Variants in KIAA1217 observed in about 807,000 individuals in gnomAD.
The protein encoded by KIAA1217 is sickle tail protein homolog.
In KIAA1217, 88 loss-of-function variants were observed where a neutral mutation model predicts 163.9. The observed-to-expected ratio is 0.54, with a 90% CI of 0.45 to 0.64. The LOEUF is 0.64. Among genes scored for constraint, KIAA1217 ranks in the 30% least tolerant of loss-of-function variants. The pLI is 0.00. For synonymous variants in KIAA1217, 903 were observed against 923.1 expected, an observed-to-expected ratio of 0.98 and a Z score of 0.39; for missense variants, 2,372 against 2,475.0, an observed-to-expected ratio of 0.96 and a Z score of 0.88.
At chr10:23,701,804 G>C (rs558638726) in intron 1 of KIAA1217, among the ~76,000 whole-genome samples, 1 of 152,126 alleles carries the variant, frequency 6.6e-6, no homozygotes, top group Non-Finnish European at 1.5e-5. Context: ...TTGCGTGTAC[G>C]TGTTAAAGTT....
chr10:23,728,819 C>T (rs1251527783), intron 1 of KIAA1217, among the ~76,000 whole-genome samples: 3 of 152,150 alleles, frequency 2.0e-5, no homozygotes, highest in Non-Finnish European at 4.4e-5. Context: ...TTCCCATATC[C>T]TCCCTGCCCT....
chr10:24,526,867 G>A (rs2134824494), intron 13 of KIAA1217, among the ~76,000 whole-genome samples: 1 of 152,240 alleles, frequency 6.6e-6, no homozygotes, highest in East Asian at 1.9e-4. Context: ...GAATGGTGAA[G>A]GTGGTGGCTA....
At chr10:23,725,996 G>A (rs1231781212) in intron 1 of KIAA1217, among the ~76,000 whole-genome samples, 3 of 149,064 alleles carry the variant, frequency 2.0e-5, no homozygotes, top group Admixed American at 6.7e-5. Flanking sequence ...ATGATTTTGT[G>A]TTCTTTCCCC....
chr10:23,921,095 C>T (rs545675955), intron 1 of KIAA1217, among the ~76,000 whole-genome samples: 4 of 152,142 alleles, frequency 2.6e-5, no homozygotes, highest in Non-Finnish European at 5.9e-5. Flanking sequence ...TTCTTCATTG[C>T]AGTGTGAAAA....
intron 2 of KIAA1217, among the ~76,000 whole-genome samples, chr10:24,303,832 C>T (rs1002409187): frequency 4.0e-5 from 6 of 151,814 alleles, no homozygotes; most frequent in Admixed American, 1.3e-4. Context: ...TTCAAATTTG[C>T]ACGTGTGTGG....
chr10:24,028,682 C>T (rs1431874908), intron 2 of KIAA1217, among the ~76,000 whole-genome samples: 1 of 152,098 alleles, frequency 6.6e-6, no homozygotes, highest in Non-Finnish European at 1.5e-5. Flanking sequence ...GCAATGGGTA[C>T]ATGTGTATTC....
chr10:23,882,551 G>A (rs961585456), intron 1 of KIAA1217, among the ~76,000 whole-genome samples: 3 of 151,852 alleles, frequency 2.0e-5, no homozygotes, highest in East Asian at 1.9e-4. Context: ...GGAATAATCT[G>A]TATCCCTTAT....
At position 24,361,843 on chromosome 10, in the gene KIAA1217, C is replaced by T. The variant is rs534474494; in HGVS notation, c.355-19026C>T. Among the ~76,000 whole-genome samples the T allele has an allele frequency of 3.1e-3, 476 of 151,802 alleles. 1 individual carries two copies. Among genetic ancestry groups the T allele is most frequent in the African/African-American group, 0.011 (437 of 41,390 alleles). ...ACAAAAAATTAGCCAGGCGTGGTGG[C>T]GGGCGCCTGTAGTCCCAGCTACTCG... On this transcript the variant is annotated intron_variant, in intron 2 of 20. Transcript: ENST00000376454.
At chr10:23,994,148 G>T (rs1421023188) in intron 1 of KIAA1217, among the ~76,000 whole-genome samples, 1 of 152,166 alleles carries the variant, frequency 6.6e-6, no homozygotes, top group Non-Finnish European at 1.5e-5. Context: ...TCATGACTGT[G>T]CTGTGTTCCT....
intron 2 of KIAA1217, among the ~76,000 whole-genome samples, chr10:24,163,076 G>A (rs1564775101): frequency 6.6e-6 from 1 of 152,192 alleles, no homozygotes; most frequent in Non-Finnish European, 1.5e-5. Context: ...TGTAGAAGGG[G>A]AGTGTCAGGA....
intron 2 of KIAA1217, among the ~76,000 whole-genome samples, chr10:24,194,968 GT>G (rs1447397634): frequency 1.3e-5 from 2 of 151,948 alleles, no homozygotes; most frequent in Non-Finnish European, 2.9e-5. Context: ...CAAGTCCCCA[GT>G]CTTATCCCTC....
At chr10:24,259,865 C>T (rs1347108198) in intron 2 of KIAA1217, among the ~76,000 whole-genome samples, 1 of 152,188 alleles carries the variant, frequency 6.6e-6, no homozygotes, top group Non-Finnish European at 1.5e-5. Context: ...CCTTCCTCCT[C>T]CCCACTGCCA....
chr10:24,054,271 G>C (rs1459125531), intron 2 of KIAA1217, among the ~76,000 whole-genome samples: 1 of 152,206 alleles, frequency 6.6e-6, no homozygotes, highest in African/African-American at 2.4e-5. Context: ...ATGCCAGATA[G>C]GAAGTTGAAT....
intron 1 of KIAA1217, among the ~76,000 whole-genome samples, chr10:23,713,366 TATC>T (rs1837380766): frequency 6.6e-6 from 1 of 152,198 alleles, no homozygotes; most frequent in African/African-American, 2.4e-5. Context: ...ATTTCAGTTT[TATC>T]ATCAGAGATT....
In KIAA1217 at chr10:24,318,005, A is replaced by G. The variant is rs148607363; in HGVS notation, c.355-62864A>G. On this transcript the variant is annotated intron_variant, in intron 2 of 20. Coordinates refer to ENST00000376454, the MANE Select transcript of KIAA1217 (RefSeq NM_019590.5). The stretch of plus-strand genomic sequence containing the variant: ...GAAGGTTTGTTTTTTAGATGAGATT[A>G]ACATTTAAATAGGTAAGTTTTCTGG... Among the ~76,000 whole-genome samples the G allele has an allele frequency of 3.4e-3, 519 of 151,970 alleles. 1 individual carries two copies. Among genetic ancestry groups the G allele is most frequent in the Non-Finnish European group, 5.9e-3 (403 of 67,810 alleles).
chr10:24,372,062 C>T (rs964967813), intron 2 of KIAA1217, among the ~76,000 whole-genome samples: 1 of 152,002 alleles, frequency 6.6e-6, no homozygotes, highest in African/African-American at 2.4e-5. Flanking sequence ...AGTGGGGAGG[C>T]AGGAGGAGAG....
chr10:24,317,324 G>A (rs185579641), intron 2 of KIAA1217, among the ~76,000 whole-genome samples: 24 of 151,820 alleles, frequency 1.6e-4, no homozygotes, highest in Admixed American at 1.4e-3. Flanking sequence ...CTGCTATGTC[G>A]CCCAGGCTGG....
chr10:24,216,161 G>T (rs916047891), intron 1 of KIAA1217, among the ~76,000 whole-genome samples: 1 of 152,158 alleles, frequency 6.6e-6, no homozygotes, highest in Non-Finnish European at 1.5e-5. Flanking sequence ...GATTAATGTG[G>T]ACTGAAGATT....
At chr10:24,204,219 G>A (rs2067423767), upstream of KIAA1217, among the ~76,000 whole-genome samples, 1 of 152,148 alleles carries the variant, frequency 6.6e-6, no homozygotes, top group Non-Finnish European at 1.5e-5. Context: ...CTCACTTATT[G>A]TCTGGCAGGA....
Sources: gnomAD v4.1 joint callset for allele counts (sites outside exome capture counted in the v4.1 genomes callset) on GRCh38, gnomAD v4.1.1 for gene constraint, MANE v1.5 for transcripts, NCBI Gene and HGNC (gene_info 2026-07-23, HGNC 2026-07-21) for gene names.